The following IL1RAPL1 variants were observed in gnomAD, a reference collection of about 807,000 sequenced individuals.
The protein encoded by IL1RAPL1 is interleukin-1 receptor accessory protein-like 1.
IL1RAPL1 carries 3 observed loss-of-function variants against 48.4 expected under a neutral mutation model. The observed-to-expected ratio is 0.06, with a 90% CI of 0.03 to 0.16. The LOEUF (loss-of-function observed/expected upper bound fraction) is 0.16, where lower values mean the gene tolerates loss of function less well. Ranked by LOEUF, IL1RAPL1 falls within the 10% of genes least tolerant of loss-of-function variation. The pLI is 1.00. For synonymous variants in IL1RAPL1, 185 were observed against 187.7 expected (o/e 0.99, Z 0.12); for missense variants, 349 against 530.6 (o/e 0.66, Z 3.36).
intron 3 of IL1RAPL1, among the ~76,000 whole-genome samples, chrX:29,288,747 C>A (rs1483454031): frequency 8.9e-6 from 1 of 112,338 alleles, no homozygotes; most frequent in African/African-American, 3.2e-5. Context: ...CTGTCTTCCA[C>A]AATGGTTGAA....
At chrX:29,452,390 G>T (rs2147727502) in intron 5 of IL1RAPL1, among the ~76,000 whole-genome samples, 1 of 111,719 alleles carries the variant, frequency 9.0e-6, no homozygotes, top group African/African-American at 3.2e-5. Context: ...ATGGCAGCAG[G>T]TAATTGAGAC....
chrX:29,306,727 G>A (rs1181842846), intron 3 of IL1RAPL1, among the ~76,000 whole-genome samples: 1 of 103,831 alleles, frequency 9.6e-6, no homozygotes, highest in Non-Finnish European at 2.0e-5. Context: ...TGGGCGTTGT[G>A]GTGCACGCCT....
At chrX:29,004,223 A>C (rs1223119317) in intron 2 of IL1RAPL1, among the ~76,000 whole-genome samples, 1 of 112,832 alleles carries the variant, frequency 8.9e-6, no homozygotes, top group East Asian at 2.8e-4. Flanking sequence ...CATACTTGCA[A>C]GTAAAAATGC....
chrX:28,930,966 A>G (rs753799193), intron 2 of IL1RAPL1, among the ~76,000 whole-genome samples: 155 of 109,826 alleles, frequency 1.4e-3, no homozygotes, highest in Middle Eastern at 4.7e-3. Context: ...CTGCAAAACC[A>G]TCTAAGGGAG....
chrX:29,916,245 A>C (rs916932404), intron 6 of IL1RAPL1, among the ~76,000 whole-genome samples: 12 of 109,141 alleles, frequency 1.1e-4, no homozygotes, highest in African/African-American at 4.0e-4. Flanking sequence ...CATGATTTAT[A>C]GTCATTTGGG....
At position 29,141,512 on chromosome X, in the gene IL1RAPL1, A is replaced by T. The variant is rs778191678; in HGVS notation, c.83-141426A>T. Among the ~76,000 whole-genome samples the T allele has an allele frequency of 3.6e-3, 402 of 111,700 alleles. 4 individuals are homozygous for T. Among genetic ancestry groups the T allele is most frequent in the Non-Finnish European group, 4.9e-3 (258 of 53,102 alleles). ...ATTCTTACCCTTAATATGTAGTTCT[A>T]TCATTATTTTCCATAGAATTAATCT... On this transcript the variant is annotated intron_variant, in intron 2 of 10. Coordinates refer to ENST00000378993, the MANE Select transcript of IL1RAPL1 (RefSeq NM_014271.4).
intron 6 of IL1RAPL1, among the ~76,000 whole-genome samples, chrX:29,894,825 ATC>A (rs1360016462): frequency 9.0e-5 from 10 of 110,660 alleles, no homozygotes; most frequent in Non-Finnish European, 1.9e-4. Context: ...TCTACCATTC[ATC>A]TGTTCTTTTT....
At chrX:29,222,927 A>T (rs2147551457) in intron 2 of IL1RAPL1, among the ~76,000 whole-genome samples, 1 of 111,583 alleles carries the variant, frequency 9.0e-6, no homozygotes, top group Non-Finnish European at 1.9e-5. Context: ...TGGTCACAAA[A>T]CAGATAAAAT....
intron 1 of IL1RAPL1, among the ~76,000 whole-genome samples, chrX:28,669,787 A>G (rs980105168): frequency 1.6e-4 from 17 of 104,250 alleles, no homozygotes; most frequent in Non-Finnish European, 1.6e-4. Flanking sequence ...TATAAATTGT[A>G]TATATATATA....
intron 5 of IL1RAPL1, among the ~76,000 whole-genome samples, chrX:29,613,362 T>C (rs1214091725): frequency 3.6e-5 from 4 of 111,583 alleles, no homozygotes; most frequent in Non-Finnish European, 7.5e-5. Flanking sequence ...ACTGATTAAC[T>C]ATTGGCTAGA....
intron 5 of IL1RAPL1, among the ~76,000 whole-genome samples, chrX:29,627,130 G>A (rs1183546168): frequency 8.9e-6 from 1 of 112,034 alleles, no homozygotes; most frequent in Non-Finnish European, 1.9e-5. Context: ...AAAAGTGAAT[G>A]TCTAGTTTGT....
chrX:28,895,784 C>T (rs1922900266), intron 2 of IL1RAPL1, among the ~76,000 whole-genome samples: 1 of 111,379 alleles, frequency 9.0e-6, no homozygotes, highest in African/African-American at 3.3e-5. Context: ...TTACCCTCCA[C>T]TGTGGGAGTT....
intron 6 of IL1RAPL1, among the ~76,000 whole-genome samples, chrX:29,802,434 A>C (rs1249262577): frequency 9.1e-6 from 1 of 110,255 alleles, no homozygotes; most frequent in Non-Finnish European, 1.9e-5. Context: ...TCAATCTCTC[A>C]AGGACCAATA....
intron 5 of IL1RAPL1, among the ~76,000 whole-genome samples, chrX:29,656,569 C>T (rs1925687924): frequency 9.0e-6 from 1 of 111,098 alleles, no homozygotes; most frequent in Non-Finnish European, 1.9e-5. Flanking sequence ...TCTTCAACTC[C>T]ATCCAGGGTG....
chrX:29,008,271 A>G (rs1463197213), intron 2 of IL1RAPL1, among the ~76,000 whole-genome samples: 14 of 108,698 alleles, frequency 1.3e-4, no homozygotes, highest in Non-Finnish European at 2.1e-4. Flanking sequence ...CCGGGTTCAC[A>G]CCATTCTCCT....
intron 2 of IL1RAPL1, among the ~76,000 whole-genome samples, chrX:28,843,813 G>T (rs1465550390): frequency 1.8e-5 from 2 of 111,215 alleles, no homozygotes; most frequent in African/African-American, 6.5e-5. Flanking sequence ...ATTAGAACAT[G>T]AACACACAGG....
chrX:29,955,484 G>T lies in IL1RAPL1; in HGVS notation c.1755G>T (p.Gln585His). 2 of 1,211,460 alleles carry T rather than the reference G, an allele frequency of 1.7e-6. No homozygotes were observed. Among genetic ancestry groups the T allele is most frequent in the Non-Finnish European group, 2.2e-6 (2 of 895,422 alleles). ...VSEQGPFGEL[Q>H]TVSAISMAAA... Reference sequence around the variant, plus strand: ...AGCAAGGGCCTTTTGGGGAGCTGCAGACTGTCTCGGCCATTTCCATGGCCG... The same window carrying T: ...AGCAAGGGCCTTTTGGGGAGCTGCATACTGTCTCGGCCATTTCCATGGCCG... The change falls in exon 11 of 11, where the codon CAG becomes CAT. Residue 585 changes from glutamine to histidine, a missense_variant. By Grantham distance (24) the Gln-to-His change is conservative (BLOSUM62 0). This residue lies in a region of IL1RAPL1 where 46 missense variants were observed against 113.3 expected (regional missense o/e 0.41). Transcript: ENST00000378993.
chrX:29,728,186 T>A (rs1022603275), intron 6 of IL1RAPL1, among the ~76,000 whole-genome samples: 5 of 111,527 alleles, frequency 4.5e-5, no homozygotes, highest in African/African-American at 1.6e-4. Context: ...TCCACCTGCC[T>A]TGGCCACCCA....
intron 2 of IL1RAPL1, among the ~76,000 whole-genome samples, chrX:28,842,298 T>G (rs1352967327): frequency 9.0e-6 from 1 of 111,296 alleles, no homozygotes; most frequent in Non-Finnish European, 1.9e-5. Flanking sequence ...AAAAATAGTT[T>G]TAAAATATGG....
Sources: gnomAD v4.1 joint callset for allele counts (sites outside exome capture counted in the v4.1 genomes callset) on GRCh38, gnomAD v4.1.1 for gene constraint, gnomAD v4.1.1 regional missense constraint, MANE v1.5 for transcripts, NCBI Gene and HGNC (gene_info 2026-07-23, HGNC 2026-07-21) for gene names.